Variants in ARHGEF33 observed in about 807,000 individuals in gnomAD.
The protein encoded by ARHGEF33 is Rho guanine nucleotide exchange factor 33, also known as DH and coiled-coil domain-containing protein ENSP00000381780.
Under a neutral mutation model 101.9 loss-of-function variants are expected in ARHGEF33, and 72 were observed. That is an observed-to-expected ratio of 0.71 (90% CI 0.58 to 0.86). The LOEUF (loss-of-function observed/expected upper bound fraction) is 0.86, where lower values mean the gene tolerates loss of function less well. Ranked by LOEUF, ARHGEF33 falls within the 40% of genes least tolerant of loss-of-function variation. The pLI is 0.00. For synonymous variants in ARHGEF33, 499 were observed against 442.5 expected (o/e 1.13, Z -1.60); for missense variants, 1,169 against 1,111.3 (o/e 1.05, Z -0.74).
chr2:38,941,044 T>C (rs760352029), intron 9 of ARHGEF33, among the ~76,000 whole-genome samples: 12 of 152,196 alleles, frequency 7.9e-5, no homozygotes, highest in Non-Finnish European at 1.5e-4. Flanking sequence ...ATGTTATCTA[T>C]AGGAATAACC....
chr2:38,953,316 G>A (rs1667659245), intron 12 of ARHGEF33, 71 bp downstream of exon 12: 3 of 895,548 alleles, frequency 3.3e-6, no homozygotes, highest in Non-Finnish European at 5.5e-6. Flanking sequence ...CATCCACCCA[G>A]TCAATACAGC....
chr2:38,921,786 C>T (rs1163162500), intron 4 of ARHGEF33, among the ~76,000 whole-genome samples: 1 of 152,214 alleles, frequency 6.6e-6, no homozygotes, highest in Non-Finnish European at 1.5e-5. Context: ...ACCACGCCCA[C>T]CTCAACTCTG....
At chr2:38,890,968 G>GTTTTTTTTTTTT (rs11380408) in intron 1 of ARHGEF33, among the ~76,000 whole-genome samples, 6 of 145,008 alleles carry the variant, frequency 4.1e-5, no homozygotes, top group Non-Finnish European at 6.0e-5. Flanking sequence ...CATACTATTG[G>GTTTTTTTTTTTT]TTTTTTTTTT....
chr2:38,893,490 C>T (rs1666051715), intron 1 of ARHGEF33, among the ~76,000 whole-genome samples: 1 of 152,162 alleles, frequency 6.6e-6, no homozygotes, highest in Non-Finnish European at 1.5e-5. Flanking sequence ...ACCGTTTCTA[C>T]ATATCATGCA....
chr2:38,973,754 C>A lies in ARHGEF33; in HGVS notation c.2524C>A (p.Pro842Thr). 6.5e-7 allele frequency: 1 copy of A among 1,546,764 alleles called. No homozygotes were observed. The highest frequency in any genetic ancestry group is 8.7e-7 in the Non-Finnish European group (1 of 1,145,114). Residue 842 changes from proline (P) to threonine (T), a missense_variant, in exon 18 of 18, where the codon CCC (proline) becomes ACC (threonine). Pro to Thr is a conservative substitution (Grantham distance 38). Coordinates refer to ENST00000409978, the MANE Select transcript of ARHGEF33 (RefSeq NM_001145451.5). ...SEYREKTNEN[P>T]SMDPSPTKQD... The stretch of plus-strand genomic sequence containing the variant: ...ATACAGGGAAAAAACTAATGAGAAT[C>A]CCTCAATGGATCCTTCACCCACCAA...
chr2:38,930,487 A>G (rs1666973154), intron 6 of ARHGEF33, among the ~76,000 whole-genome samples: 2 of 151,812 alleles, frequency 1.3e-5, no homozygotes, highest in Non-Finnish European at 2.9e-5. Context: ...AGCTGGGACT[A>G]TAGGTGTGGC....
In ARHGEF33 at chr2:38,937,611, A is replaced by G. The variant is rs1034892684; in HGVS notation, c.790+52A>G. Reference sequence around the variant, plus strand: ...AATAGTTTAAAGAACAGGATGTACCAGAGCTTTGAACTCAAAGGCGAGAAT... The same window carrying G: ...AATAGTTTAAAGAACAGGATGTACCGGAGCTTTGAACTCAAAGGCGAGAAT... On this transcript the variant is annotated intron_variant, in intron 9 of 17. Transcript: ENST00000409978. 3.7e-6 allele frequency: 4 copies of G among 1,087,376 alleles called. No individual in the cohort carries two copies. In the African/African-American group the frequency reaches 6.3e-5, roughly 17 times the overall value. 67.4% of individuals were successfully genotyped at this position (1,087,376 alleles called of 1,614,324 possible).
rs772560987 is a variant in ARHGEF33, at chr2:38,929,706, T to C, written c.241-3T>C. The C allele has an allele frequency of 1.5e-5, 23 of 1,550,948 alleles. No homozygotes were observed. The highest frequency in any genetic ancestry group is 2.0e-5 in the Non-Finnish European group (23 of 1,146,354). ...TTAAAACATAGCAATTCTTATTTTT[T>C]AGGAAGAGCTGAGCAATGCCATGTC... On this transcript the variant is annotated splice_polypyrimidine_tract_variant and splice_region_variant and intron_variant, in intron 5 of 17. Transcript: ENST00000409978.
chr2:38,967,995 T>C (rs1387178758), intron 17 of ARHGEF33, among the ~76,000 whole-genome samples: 5 of 150,292 alleles, frequency 3.3e-5, no homozygotes, highest in Non-Finnish European at 4.4e-5. Flanking sequence ...CAAACAGCCA[T>C]TTTTTGCCCA....
At chr2:38,898,333 T>A (rs776486877) in intron 2 of ARHGEF33, among the ~76,000 whole-genome samples, 1 of 152,114 alleles carries the variant, frequency 6.6e-6, no homozygotes, top group African/African-American at 2.4e-5. Flanking sequence ...AACACAAAAT[T>A]TGGGCAGCAC....
At chr2:38,947,871 G>T (rs1245736831) in intron 10 of ARHGEF33, among the ~76,000 whole-genome samples, 1 of 152,090 alleles carries the variant, frequency 6.6e-6, no homozygotes, top group Admixed American at 6.5e-5. Flanking sequence ...CCCATCCAGG[G>T]TGGCGGGAAC....
At chr2:38,952,880 G>T (rs1667646673) in intron 11 of ARHGEF33, among the ~76,000 whole-genome samples, 1 of 152,114 alleles carries the variant, frequency 6.6e-6, no homozygotes, top group Non-Finnish European at 1.5e-5. Flanking sequence ...TTGTATTTTA[G>T]TAGAGACGGG....
intron 6 of ARHGEF33, among the ~76,000 whole-genome samples, chr2:38,930,482 G>GGACT (rs1666973088): frequency 6.6e-6 from 1 of 151,336 alleles, no homozygotes; most frequent in Non-Finnish European, 1.5e-5. Flanking sequence ...TGAGTAGCTG[G>GGACT]GACTATAGGT....
At chr2:38,967,742 AT>A (rs546430517) in intron 17 of ARHGEF33, among the ~76,000 whole-genome samples, 203 of 128,326 alleles carry the variant, frequency 1.6e-3, no homozygotes, top group East Asian at 4.3e-3. Context: ...CGCCCTGGCT[AT>A]TTTTTTTTTT....
intron 11 of ARHGEF33, among the ~76,000 whole-genome samples, chr2:38,952,645 GTT>G (rs1324617016): frequency 6.6e-6 from 1 of 152,068 alleles, no homozygotes; most frequent in Admixed American, 6.5e-5. Context: ...GGGATGCTGA[GTT>G]TTGATTCCAA....
intron 11 of ARHGEF33, among the ~76,000 whole-genome samples, chr2:38,952,079 G>A (rs2124413967): frequency 6.6e-6 from 1 of 152,222 alleles, no homozygotes; most frequent in African/African-American, 2.4e-5. Context: ...CAGAGCTTCT[G>A]ATATTTTAAG....
chr2:38,906,439 T>C (rs1471092785), intron 2 of ARHGEF33, among the ~76,000 whole-genome samples: 4 of 152,200 alleles, frequency 2.6e-5, no homozygotes, highest in East Asian at 1.9e-4. Context: ...CCTTATGGAA[T>C]GTCTCTAGCC....
chr2:38,920,088 C>A (rs1026853462), intron 3 of ARHGEF33, among the ~76,000 whole-genome samples: 3 of 152,130 alleles, frequency 2.0e-5, no homozygotes, highest in African/African-American at 4.8e-5. Flanking sequence ...AAATTCTGGG[C>A]TAAGGTTATG....
intron 2 of ARHGEF33, among the ~76,000 whole-genome samples, chr2:38,917,334 C>T (rs528748704): frequency 8.6e-5 from 13 of 152,046 alleles, no homozygotes; most frequent in South Asian, 4.2e-4. Context: ...TCAAGTGATC[C>T]GCCCACCTCA....
Sources: gnomAD v4.1 joint callset for allele counts (sites outside exome capture counted in the v4.1 genomes callset) on GRCh38, gnomAD v4.1.1 for gene constraint, MANE v1.5 for transcripts, NCBI Gene and HGNC (gene_info 2026-07-23, HGNC 2026-07-21) for gene names.